SLC18A3: variants seen among roughly 807,000 people sequenced by gnomAD.
SLC18A3 encodes the protein vesicular acetylcholine transporter.
In SLC18A3, 18 loss-of-function variants were observed where a neutral mutation model predicts 24.2. The ratio of observed to expected loss-of-function variants is 0.74; its 90% confidence interval spans 0.51 to 1.10. The LOEUF is 1.10. SLC18A3 is among the 50% of genes least tolerant of loss of function. SLC18A3 has a pLI of 0.00. For synonymous variants in SLC18A3, 415 were observed against 355.4 expected (o/e 1.17, Z -1.89); for missense variants, 744 against 750.7 (o/e 0.99, Z 0.10).
At position 49,611,596 on chromosome 10, in the gene SLC18A3, A is replaced by C. The variant is rs144989443; in HGVS notation, c.856A>C (p.Met286Leu). The C allele has an allele frequency of 6.2e-7, 1 of 1,610,242 alleles. No individual in the cohort carries two copies. ...AGTGGGCACTCCCATCCACCGCCTCATGCTAGACCCCTACATTGCCGTGGT... is the reference window on the plus strand; with the variant it reads ...AGTGGGCACTCCCATCCACCGCCTCCTGCTAGACCCCTACATTGCCGTGGT... ...LPVGTPIHRL[M>L]LDPYIAVVAG... is the part of the protein sequence containing the mutation. The change falls in exon 1 of 1, where the codon ATG becomes CTG. Residue 286 changes from methionine (M) to leucine (L), a missense_variant. Coordinates refer to ENST00000374115, the MANE Select transcript of SLC18A3 (RefSeq NM_003055.3).
Position 49,610,950 on chromosome 10 carries a change from C to T in SLC18A3, c.210C>T (p.Gly70=), listed in dbSNP as rs1324815380. ...CCCACATGCGCGGGGGCGGCGAGGG[C>T]CCCACCCGGACTCCCGAGGTGTGGG... The part of the protein sequence containing the change: ...YIAHMRGGGE[G]PTRTPEVWEP... Residue 70 remains glycine (G), a synonymous_variant, in exon 1 of 1, where the codon GGC becomes GGT. Transcript: ENST00000374115. The T allele has an allele frequency of 3.7e-6, 6 of 1,610,446 alleles. No individual in the cohort carries two copies. In the South Asian group the frequency reaches 5.5e-5, roughly 15 times the overall value.
Position 49,610,920 on chromosome 10 carries a change from C to T in SLC18A3, c.180C>T (p.Tyr60=). The T allele has an allele frequency of 6.2e-7, 1 of 1,611,548 alleles. No homozygotes were observed. Residue 60 remains tyrosine (Y), a synonymous_variant, in exon 1 of 1, where the codon TAC becomes TAT. Transcript: ENST00000374115. ...TCATCGTGCCCATAGTGCCCGACTACATCGCCCACATGCGCGGGGGCGGCG... is the reference window on the plus strand; with the variant it reads ...TCATCGTGCCCATAGTGCCCGACTATATCGCCCACATGCGCGGGGGCGGCG... ...YMVIVPIVPD[Y]IAHMRGGGEG...
chr10:49,610,669 C>T lies in SLC18A3; in HGVS notation c.-72C>T. On this transcript the variant is annotated 5_prime_UTR_variant, in exon 1 of 1. Coordinates refer to ENST00000374115, the MANE Select transcript of SLC18A3 (RefSeq NM_003055.3). The stretch of plus-strand genomic sequence containing the variant: ...CAGCCTCCCCGAAGTCCCGTGCCCT[C>T]GCCTCTGCACTGCGGGACGCCAGCG... 5 of 1,398,498 alleles carry T rather than the reference C, an allele frequency of 3.6e-6. No individual in the cohort carries two copies. Among genetic ancestry groups the T allele is most frequent in the Non-Finnish European group, 4.7e-6 (5 of 1,072,514 alleles). The allele number at this position is 1,398,498 out of a possible 1,614,324, so 86.6% of individuals were successfully genotyped here.
In SLC18A3 at chr10:49,611,466, C is replaced by T. The variant is rs1188733202; in HGVS notation, c.726C>T (p.Arg242=). 4 of 1,599,120 alleles carry T rather than the reference C, an allele frequency of 2.5e-6. No individual in the cohort carries two copies. Among genetic ancestry groups the T allele is most frequent in the African/African-American group, 1.3e-5 (1 of 75,028 alleles). Residue 242 remains arginine (R), a synonymous_variant, in exon 1 of 1, where the codon CGC becomes CGT. Coordinates refer to ENST00000374115, the MANE Select transcript of SLC18A3 (RefSeq NM_003055.3). ...TCCTCTATGAGTTCGCCGGCAAGCGCGTGCCCTTCTTGGTGCTAGCTGCCG... is the reference window on the plus strand; with the variant it reads ...TCCTCTATGAGTTCGCCGGCAAGCGTGTGCCCTTCTTGGTGCTAGCTGCCG... The part of the protein sequence containing the change: ...GGILYEFAGK[R]VPFLVLAAVS...
Position 49,611,205 on chromosome 10 carries a change from G to A in SLC18A3, c.465G>A (p.Leu155=). ...FIDRMSYDVP[L]LIGLGVMFAS... ...ACCGCATGAGCTACGACGTGCCGCT[G>A]CTGATCGGCCTGGGCGTCATGTTCG... is the stretch of plus-strand genomic sequence containing the variant. The change falls in exon 1 of 1, where the codon CTG becomes CTA. Residue 155 remains leucine (L), a synonymous_variant. Coordinates refer to ENST00000374115, the MANE Select transcript of SLC18A3 (RefSeq NM_003055.3). The A allele has an allele frequency of 6.2e-7, 1 of 1,614,088 alleles. No individual in the cohort carries two copies. The highest frequency in any genetic ancestry group is 8.5e-7 in the Non-Finnish European group (1 of 1,180,004).
chr10:49,611,086 C>T lies in SLC18A3; in HGVS notation c.346C>T (p.Pro116Ser). Reference sequence around the variant, plus strand: ...GGGCTCAGCCCTTCGGCCCCGCTACCCTACGGAGAGCGAAGACGTGAAGAT... The same window carrying T: ...GGGCTCAGCCCTTCGGCCCCGCTACTCTACGGAGAGCGAAGACGTGAAGAT... ...PAGSALRPRY[P>S]TESEDVKIGV... is the part of the protein sequence containing the mutation. Residue 116 changes from proline (P) to serine (S), a missense_variant, in exon 1 of 1, where the codon CCT becomes TCT. Coordinates refer to ENST00000374115, the MANE Select transcript of SLC18A3 (RefSeq NM_003055.3). 6.2e-7 allele frequency: 1 copy of T among 1,614,098 alleles called. No individual in the cohort carries two copies. The highest frequency in any genetic ancestry group is 8.5e-7 in the Non-Finnish European group (1 of 1,179,976).
Position 49,610,466 on chromosome 10 carries a change from G to A in SLC18A3, c.-275G>A. The A allele has an allele frequency of 5.2e-6, 2 of 387,228 alleles. No individual in the cohort carries two copies. The highest frequency in any genetic ancestry group is 9.1e-6 in the Non-Finnish European group (2 of 220,230). The allele number at this position is 387,228 out of a possible 1,614,324, so 24.0% of individuals were successfully genotyped here. On this transcript the variant is annotated 5_prime_UTR_variant, in exon 1 of 1. Transcript: ENST00000374115. ...CCGGGCGAAGTGCGCCCAGTCTCCG[G>A]CCCCGGCCCCTCGGCGCGCCCGACT... is the stretch of plus-strand genomic sequence containing the variant.
chr10:49,611,753 A>C lies in SLC18A3; in HGVS notation c.1013A>C (p.His338Pro). Residue 338 changes from histidine to proline, a missense_variant, in exon 1 of 1, where the codon CAT (histidine) becomes CCT (proline). By Grantham distance (77) the His-to-Pro change is moderately conservative. Transcript: ENST00000374115. Reference protein sequence around the residue: ...GMAWLPAFVPHVLGVYLTVRL... With the variant: ...GMAWLPAFVPPVLGVYLTVRL... Reference sequence around the variant, plus strand: ...GCCTGGCTGCCGGCCTTCGTGCCTCATGTGCTGGGCGTCTACCTCACCGTG... The same window carrying C: ...GCCTGGCTGCCGGCCTTCGTGCCTCCTGTGCTGGGCGTCTACCTCACCGTG... The C allele has an allele frequency of 1.9e-6, 3 of 1,603,922 alleles. No homozygotes were observed. Among genetic ancestry groups the C allele is most frequent in the Non-Finnish European group, 2.5e-6 (3 of 1,179,900 alleles).
In SLC18A3 at chr10:49,610,664, G is replaced by A; in HGVS notation, c.-77G>A. 1.4e-6 allele frequency: 2 copies of A among 1,386,054 alleles called. No homozygotes were observed. The highest frequency in any genetic ancestry group is 3.1e-5 in the South Asian group (2 of 64,076). 85.9% of individuals were successfully genotyped at this position (1,386,054 alleles called of 1,614,324 possible). On this transcript the variant is annotated 5_prime_UTR_variant, in exon 1 of 1. Transcript: ENST00000374115. ...CAGGACAGCCTCCCCGAAGTCCCGT[G>A]CCCTCGCCTCTGCACTGCGGGACGC...
At position 49,610,542 on chromosome 10, in the gene SLC18A3, G is replaced by T. The variant is rs1316396282; in HGVS notation, c.-199G>T. ...CCGCGGGTCCCGGGATCGGCTAAGA[G>T]TAGCTGCAACGCCTCGCCGGACGGA... On this transcript the variant is annotated 5_prime_UTR_variant, in exon 1 of 1. Transcript: ENST00000374115. The T allele has an allele frequency of 5.7e-6, 3 of 526,664 alleles. No individual in the cohort carries two copies. Among genetic ancestry groups the T allele is most frequent in the East Asian group, 3.3e-5 (1 of 30,062 alleles). The allele number at this position is 526,664 out of a possible 1,614,324, so 32.6% of individuals were successfully genotyped here.
rs1319904755 is a variant in SLC18A3, at chr10:49,612,217, C to CT, written c.1478dup (p.Tyr494ValfsTer8). On this transcript the variant is annotated frameshift_variant, in exon 1 of 1. Transcript: ENST00000374115. LOFTEE classifies it high-confidence loss of function. ...GCTGCTTGATGAGCCACCGCAAGGT[C>CT]TGTACGATGCGGTGCGCCTGCGTGA... 2 of 1,609,086 alleles carry CT rather than the reference C, an allele frequency of 1.2e-6. No homozygotes were observed. The highest frequency in any genetic ancestry group is 1.7e-6 in the Non-Finnish European group (2 of 1,180,010).
rs774787830 is a variant in SLC18A3 at position 49,611,681 on chromosome 10, C to T, written c.941C>T (p.Thr314Met). 6.2e-7 allele frequency: 1 copy of T among 1,610,914 alleles called. No homozygotes were observed. Among genetic ancestry groups the T allele is most frequent in the African/African-American group, 1.3e-5 (1 of 75,056 alleles). ...GCCTTCCTCGAACCCACCATTGCCA[C>T]GTGGATGAAGCATACGATGGCGGCT... ...PLAFLEPTIA[T>M]WMKHTMAASE... Residue 314 changes from threonine to methionine, a missense_variant, in exon 1 of 1, where the codon ACG becomes ATG. Physicochemically the swap from Thr to Met is moderately conservative, Grantham distance 81 (BLOSUM62 -1). This residue lies in a region of SLC18A3 where 566 missense variants were observed against 566.2 expected (regional missense o/e 1.00). Transcript: ENST00000374115.
At position 49,612,346 on chromosome 10, in the gene SLC18A3, C is replaced by G; in HGVS notation, c.*7C>G. 6.4e-7 allele frequency: 1 copy of G among 1,574,324 alleles called. No homozygotes were observed. Among genetic ancestry groups the G allele is most frequent in the Non-Finnish European group, 8.7e-7 (1 of 1,156,062 alleles). On this transcript the variant is annotated 3_prime_UTR_variant, in exon 1 of 1. Coordinates refer to ENST00000374115, the MANE Select transcript of SLC18A3 (RefSeq NM_003055.3). ...CTACTACACCCGCAGCTAGCATCCC[C>G]ACTCCTCCTCCAGCCCACCCAACCG...
In SLC18A3 at chr10:49,611,283, G is replaced by T. The variant is rs745946207; in HGVS notation, c.543G>T (p.Ala181=). The stretch of plus-strand genomic sequence containing the variant: ...AGGACTACGCCACGCTGTTCGCGGC[G>T]CGCAGCCTGCAGGGCCTGGGCTCAG... The part of the protein sequence containing the change: ...FAEDYATLFA[A]RSLQGLGSAF... Residue 181 remains alanine, a synonymous_variant, in exon 1 of 1, where the codon GCG becomes GCT. Transcript: ENST00000374115. The T allele has an allele frequency of 1.1e-5, 18 of 1,610,170 alleles. No individual in the cohort carries two copies. Among genetic ancestry groups the T allele is most frequent in the Middle Eastern group, 1.6e-4 (1 of 6,084 alleles).
At position 49,610,928 on chromosome 10, in the gene SLC18A3, A is replaced by T. The variant is rs1838276448; in HGVS notation, c.188A>T (p.His63Leu). The T allele has an allele frequency of 6.2e-7, 1 of 1,611,184 alleles. No individual in the cohort carries two copies. Among genetic ancestry groups the T allele is most frequent in the South Asian group, 1.1e-5 (1 of 90,884 alleles). ...IVPIVPDYIA[H>L]MRGGGEGPTR... ...CCCATAGTGCCCGACTACATCGCCCACATGCGCGGGGGCGGCGAGGGCCCC... is the reference window on the plus strand; with the variant it reads ...CCCATAGTGCCCGACTACATCGCCCTCATGCGCGGGGGCGGCGAGGGCCCC... The change falls in exon 1 of 1, where the codon CAC (histidine) becomes CTC (leucine). Residue 63 changes from histidine to leucine, a missense_variant. Coordinates refer to ENST00000374115, the MANE Select transcript of SLC18A3 (RefSeq NM_003055.3).
In SLC18A3 at chr10:49,610,732, G is replaced by A. The variant is rs1248809873; in HGVS notation, c.-9G>A. 3 of 1,505,642 alleles carry A rather than the reference G, an allele frequency of 2.0e-6. No individual in the cohort carries two copies. The highest frequency in any genetic ancestry group is 2.8e-5 in the African/African-American group (2 of 72,126). The allele number at this position is 1,505,642 out of a possible 1,614,324, so 93.3% of individuals were successfully genotyped here. ...GGAGGCGTCCTCGGAAGAGCATCGG[G>A]GTGGGGGCATGGAATCCGCGGAACC... is the stretch of plus-strand genomic sequence containing the variant. On this transcript the variant is annotated 5_prime_UTR_variant, in exon 1 of 1. Coordinates refer to ENST00000374115, the MANE Select transcript of SLC18A3 (RefSeq NM_003055.3).
rs112798036 is a variant in SLC18A3 at position 49,612,403 on chromosome 10, A to G, written c.*64A>G. 6.8e-6 allele frequency: 10 copies of G among 1,481,026 alleles called. No homozygotes were observed. The African/African-American group carries it at 1.1e-4, about 17-fold the overall frequency. 91.7% of individuals were successfully genotyped at this position (1,481,026 alleles called of 1,614,324 possible). Reference sequence around the variant, plus strand: ...GTCAAGGGGGCTGCTCTGCAAGCCCACTGGCCAGCTCTGGCTCAGGGCCCA... The same window carrying G: ...GTCAAGGGGGCTGCTCTGCAAGCCCGCTGGCCAGCTCTGGCTCAGGGCCCA... On this transcript the variant is annotated 3_prime_UTR_variant, in exon 1 of 1. Transcript: ENST00000374115.
Position 49,611,665 on chromosome 10 carries a change from G to A in SLC18A3, c.925G>A (p.Glu309Lys). Residue 309 changes from glutamate (E) to lysine (K), a missense_variant, in exon 1 of 1, where the codon GAA becomes AAA. Coordinates refer to ENST00000374115, the MANE Select transcript of SLC18A3 (RefSeq NM_003055.3). ...CTGTAACATTCCCCTCGCCTTCCTC[G>A]AACCCACCATTGCCACGTGGATGAA... ...TTCNIPLAFL[E>K]PTIATWMKHT... 1.2e-6 allele frequency: 2 copies of A among 1,611,594 alleles called. No individual in the cohort carries two copies. The highest frequency in any genetic ancestry group is 2.2e-5 in the East Asian group (1 of 44,874).
At position 49,611,132 on chromosome 10, in the gene SLC18A3, A is replaced by G. The variant is rs892469870; in HGVS notation, c.392A>G (p.Lys131Arg). 17 of 1,613,964 alleles carry G rather than the reference A, an allele frequency of 1.1e-5. No individual in the cohort carries two copies. Among genetic ancestry groups the G allele is most frequent in the Non-Finnish European group, 1.4e-5 (17 of 1,179,978 alleles). ...AAGATCGGGGTGCTGTTTGCTTCCA[A>G]GGCTATCCTGCAGCTGCTAGTGAAC... ...DVKIGVLFAS[K>R]AILQLLVNPL... The change falls in exon 1 of 1, where the codon AAG (lysine) becomes AGG (arginine). Residue 131 changes from lysine (K) to arginine (R), a missense_variant. Lys to Arg is a conservative substitution (Grantham distance 26). This residue lies in a region of SLC18A3 where 566 missense variants were observed against 566.2 expected (regional missense o/e 1.00). Transcript: ENST00000374115.
Sources: allele counts gnomAD v4.1 joint callset, GRCh38; gene constraint gnomAD v4.1.1; regional missense constraint gnomAD v4.1.1; transcripts MANE v1.5; gene names NCBI Gene and HGNC (gene_info 2026-07-23, HGNC 2026-07-21).